Variants in TET1 observed in about 807,000 individuals in gnomAD.
TET1 encodes the protein tet methylcytosine dioxygenase 1, also known as methylcytosine dioxygenase TET1.
A neutral mutation model predicts 148.7 loss-of-function variants in TET1; 13 were observed. The ratio of observed to expected loss-of-function variants is 0.09; its 90% CI spans 0.06 to 0.14. The LOEUF is 0.14. Ranked by LOEUF, TET1 falls within the 10% of genes least tolerant of loss-of-function variation. The pLI is 1.00. For missense variants in TET1, 2,182 were observed against 2,553.8 expected, an observed-to-expected ratio of 0.85 and a Z score of 3.14; for synonymous variants, 907 against 937.2, an observed-to-expected ratio of 0.97 and a Z score of 0.59.
chr10:68,595,980 A>ATG (rs1361964859), intron 2 of TET1, among the ~76,000 whole-genome samples: 10,159 of 46,610 alleles, frequency 0.22, 1,088 homozygotes, highest in Non-Finnish European at 0.27. Flanking sequence ...ACACACACAT[A>ATG]TATACACACA....
intron 3 of TET1, among the ~76,000 whole-genome samples, chr10:68,630,900 G>C (rs892345414): frequency 6.6e-6 from 1 of 152,210 alleles, no homozygotes; most frequent in Non-Finnish European, 1.5e-5. Context: ...TTCTAGTCAG[G>C]TGCGGGGGCA....
At chr10:68,669,487 T>TG (rs1468564428) in intron 7 of TET1, among the ~76,000 whole-genome samples, 9 of 142,094 alleles carry the variant, frequency 6.3e-5, no homozygotes, top group Middle Eastern at 3.3e-3. Context: ...TTTTTTTTTT[T>TG]TTTTTGTATT....
chr10:68,561,048 C>G (rs1479059951), intron 1 of TET1, among the ~76,000 whole-genome samples: 3 of 152,230 alleles, frequency 2.0e-5, no homozygotes, highest in Non-Finnish European at 4.4e-5. Context: ...GCTCTGACCC[C>G]GGGCTGCGGT....
chr10:68,563,151 C>T (rs1191723164), intron 1 of TET1, among the ~76,000 whole-genome samples: 1 of 152,062 alleles, frequency 6.6e-6, no homozygotes, highest in East Asian at 1.9e-4. Flanking sequence ...CTTTTCCCCC[C>T]TTTTTTCCCC....
At chr10:68,595,067 C>T (rs916417285) in intron 2 of TET1, among the ~76,000 whole-genome samples, 16 of 149,756 alleles carry the variant, frequency 1.1e-4, no homozygotes, top group Non-Finnish European at 1.9e-4. Context: ...ATGGGAGGAT[C>T]GCTTGAGCCC....
intron 3 of TET1, among the ~76,000 whole-genome samples, chr10:68,624,673 TCTCTCTCTCTCTCTCTCTCTC>T (rs2054443508): frequency 1.0e-5 from 1 of 98,220 alleles, no homozygotes; most frequent in Non-Finnish European, 2.2e-5. Context: ...TCTCTCTCTC[TCTCTCTCTCTCTCTCTCTCTC>T]TCTTTCTTTC....
At chr10:68,669,474 C>CCT (rs71474425) in intron 7 of TET1, among the ~76,000 whole-genome samples, 1 of 61,604 alleles carries the variant, frequency 1.6e-5, no homozygotes, top group Admixed American at 2.0e-4. Flanking sequence ...CCATGCCCAG[C>CCT]TTTTTTTTTT....
rs1245600849 is a variant in TET1 at position 68,650,959 on chromosome 10, A to G, written c.4277-887A>G. Among the ~76,000 whole-genome samples the G allele has an allele frequency of 2.0e-5, 3 of 152,186 alleles. No individual in the cohort carries two copies. The East Asian group carries it at 5.8e-4, about 29-fold the overall frequency. Reference sequence around the variant, plus strand: ...TCCATTTTTACAAAAATTTAAAACAATCTTTCTACTTGGTTTTTTAATATA... The same window carrying G: ...TCCATTTTTACAAAAATTTAAAACAGTCTTTCTACTTGGTTTTTTAATATA... On this transcript the variant is annotated intron_variant, in intron 4 of 11. Coordinates refer to ENST00000373644, the MANE Select transcript of TET1 (RefSeq NM_030625.3).
intron 4 of TET1, among the ~76,000 whole-genome samples, chr10:68,649,647 T>A (rs1435481224): frequency 6.6e-6 from 1 of 150,968 alleles, no homozygotes; most frequent in Non-Finnish European, 1.5e-5. Context: ...TTTCTAAATA[T>A]CCTTACAAAT....
chr10:68,645,295 C>T lies in TET1; in HGVS notation c.2566C>T (p.Pro856Ser), dbSNP rs765382959. Reference protein sequence around the residue: ...HASIHNEGDQPKTPENIPSKE... With the variant: ...HASIHNEGDQSKTPENIPSKE... The stretch of plus-strand genomic sequence containing the variant: ...TAGTATACACAATGAAGGTGATCAA[C>T]CAAAAACTCCTGAGAATATACCAAG... Residue 856 changes from proline (P) to serine (S), a missense_variant, in exon 4 of 12, where the codon CCA becomes TCA. By Grantham distance (74) the Pro-to-Ser change is moderately conservative (BLOSUM62 -1). Around this residue, in one of 11 missense-constraint regions of TET1, gnomAD observed 582 missense variants for 599.5 expected, o/e 0.97. Coordinates refer to ENST00000373644, the MANE Select transcript of TET1 (RefSeq NM_030625.3). The T allele has an allele frequency of 6.2e-7, 1 of 1,614,148 alleles. No individual in the cohort carries two copies. Among genetic ancestry groups the T allele is most frequent in the Non-Finnish European group, 8.5e-7 (1 of 1,180,042 alleles).
chr10:68,620,834 A>ATGTTGACCATC (rs2054359906), intron 3 of TET1, among the ~76,000 whole-genome samples: 1 of 152,210 alleles, frequency 6.6e-6, no homozygotes. Context: ...GTCAACACTT[A>ATGTTGACCATC]TTAATGTCCA....
chr10:68,573,440 G>A lies in TET1; in HGVS notation c.1102G>A (p.Ala368Thr). The change falls in exon 2 of 12, where the codon GCC becomes ACC. Residue 368 changes from alanine (A) to threonine (T), a missense_variant. Physicochemically the swap from Ala to Thr is moderately conservative, Grantham distance 58. Transcript: ENST00000373644. ...VSDTTSFLGQ[A>T]FGAIPHQWEL... ...TGATACCACCTCTTTCCTAGGACAGGCCTTTGGTGCTATCCCACATCAATG... is the reference window on the plus strand; with the variant it reads ...TGATACCACCTCTTTCCTAGGACAGACCTTTGGTGCTATCCCACATCAATG... 6.2e-7 allele frequency: 1 copy of A among 1,614,118 alleles called. No individual in the cohort carries two copies. Among genetic ancestry groups the A allele is most frequent in the Non-Finnish European group, 8.5e-7 (1 of 1,180,024 alleles).
rs181309667 is a variant in TET1, at chr10:68,603,509, A to G, written c.1968+2475A>G. 2.4e-3 allele frequency among the ~76,000 whole-genome samples: 363 copies of G among 151,888 alleles called. 2 individuals are homozygous for G. The Middle Eastern group carries it at 0.024, about 10-fold the overall frequency. ...TTATCCACCAGGTATGATGACTCATATGTGTAATCCCAGAACTTTGGGAGG... is the reference window on the plus strand; with the variant it reads ...TTATCCACCAGGTATGATGACTCATGTGTGTAATCCCAGAACTTTGGGAGG... On this transcript the variant is annotated intron_variant, in intron 3 of 11. Coordinates refer to ENST00000373644, the MANE Select transcript of TET1 (RefSeq NM_030625.3).
intron 3 of TET1, among the ~76,000 whole-genome samples, chr10:68,614,508 C>A (rs529112951): frequency 2.9e-4 from 44 of 152,150 alleles, no homozygotes; most frequent in Non-Finnish European, 5.3e-4. Flanking sequence ...AGTATCCTGT[C>A]TTCTCACTTC....
At chr10:68,605,912 G>C (rs1437688072) in intron 3 of TET1, among the ~76,000 whole-genome samples, 1 of 152,160 alleles carries the variant, frequency 6.6e-6, no homozygotes, top group African/African-American at 2.4e-5. Context: ...TGTTTGTTGA[G>C]CTGAGGTCTT....
At chr10:68,605,669 C>T (rs1175272466) in intron 3 of TET1, among the ~76,000 whole-genome samples, 10 of 152,114 alleles carry the variant, frequency 6.6e-5, no homozygotes, top group Non-Finnish European at 1.3e-4. Context: ...TGTGCCACCA[C>T]GCCCAGCTAA....
intron 1 of TET1, among the ~76,000 whole-genome samples, chr10:68,563,600 C>T (rs1301910437): frequency 6.6e-6 from 1 of 152,060 alleles, no homozygotes; most frequent in Non-Finnish European, 1.5e-5. Context: ...GCATTTTTGC[C>T]CAGAGGATTT....
intron 8 of TET1, chr10:68,674,902 C>A: frequency 2.6e-6 from 1 of 387,320 alleles, no homozygotes; most frequent in Non-Finnish European, 4.9e-6. Context: ...TTGGAAAAGA[C>A]ATAGAAAAAA....
chr10:68,678,721 C>A (rs564552694), intron 8 of TET1, among the ~76,000 whole-genome samples: 12 of 151,416 alleles, frequency 7.9e-5, no homozygotes, highest in African/African-American at 2.7e-4. Flanking sequence ...CTGCACCCCC[C>A]CACACACAAA....
Sources: allele counts gnomAD v4.1 joint callset (sites outside exome capture counted in the v4.1 genomes callset), GRCh38; gene constraint gnomAD v4.1.1; regional missense constraint gnomAD v4.1.1; transcripts MANE v1.5; gene names NCBI Gene and HGNC (gene_info 2026-07-23, HGNC 2026-07-21).